Variants in PPP3CA observed in about 807,000 individuals in gnomAD.
PPP3CA encodes CAM-PRP catalytic subunit.
PPP3CA carries 14 observed loss-of-function variants against 66.5 expected under a neutral mutation model. That is an observed-to-expected ratio of 0.21 (90% CI 0.14 to 0.33). The LOEUF is 0.33. Among genes scored for constraint, PPP3CA ranks in the 10% least tolerant of loss-of-function variants. PPP3CA has a pLI of 1.00. For missense variants in PPP3CA, 317 were observed against 639.5 expected (o/e 0.50, Z 5.44); for synonymous variants, 232 against 226.2 (o/e 1.03, Z -0.23).
At chr4:101,180,096 G>T (rs998714369) in intron 2 of PPP3CA, among the ~76,000 whole-genome samples, 1 of 152,128 alleles carries the variant, frequency 6.6e-6, no homozygotes. Context: ...AGAACATGTG[G>T]TCACATCTAG....
intron 2 of PPP3CA, among the ~76,000 whole-genome samples, chr4:101,169,200 G>C (rs746528610): frequency 6.6e-6 from 1 of 152,084 alleles, no homozygotes; most frequent in Non-Finnish European, 1.5e-5. Flanking sequence ...TGCCTAGTAT[G>C]GTAATCATGT....
intron 1 of PPP3CA, among the ~76,000 whole-genome samples, chr4:101,344,274 G>A (rs1729909319): frequency 6.6e-6 from 1 of 151,864 alleles, no homozygotes; most frequent in South Asian, 2.1e-4. Flanking sequence ...CATACTCAAG[G>A]GGAAATATTA....
intron 10 of PPP3CA, among the ~76,000 whole-genome samples, chr4:101,054,553 C>T (rs1001930676): frequency 2.7e-5 from 4 of 150,722 alleles, no homozygotes; most frequent in Admixed American, 6.6e-5. Flanking sequence ...TATATTCATA[C>T]CCTTAGAAAA....
At chr4:101,116,172 T>C (rs1226083389) in intron 2 of PPP3CA, among the ~76,000 whole-genome samples, 1 of 151,922 alleles carries the variant, frequency 6.6e-6, no homozygotes, top group Non-Finnish European at 1.5e-5. Context: ...GTTTTTCCAG[T>C]TCATACTAAA....
At chr4:101,263,675 C>G (rs1727077564) in intron 1 of PPP3CA, among the ~76,000 whole-genome samples, 1 of 151,664 alleles carries the variant, frequency 6.6e-6, no homozygotes, top group South Asian at 2.1e-4. Flanking sequence ...CACACAAAGA[C>G]CAGAGTGCCG....
chr4:101,286,489 A>C (rs1241238907), intron 1 of PPP3CA, among the ~76,000 whole-genome samples: 1 of 152,248 alleles, frequency 6.6e-6, no homozygotes, highest in Admixed American at 6.5e-5. Context: ...TTCACTGAAA[A>C]GTTACCAAGA....
chr4:101,124,268 G>C (rs1038672894), intron 2 of PPP3CA, among the ~76,000 whole-genome samples: 2 of 150,252 alleles, frequency 1.3e-5, no homozygotes, highest in Admixed American at 6.6e-5. Flanking sequence ...GACCAAATTA[G>C]AAAAAAAAAC....
chr4:101,143,190 T>C (rs2110292954), intron 2 of PPP3CA, among the ~76,000 whole-genome samples: 1 of 152,330 alleles, frequency 6.6e-6, no homozygotes, highest in South Asian at 2.1e-4. Context: ...TTCATACTTT[T>C]TCTTTCCTTA....
At chr4:101,107,027 A>G (rs1447400296) in intron 3 of PPP3CA, among the ~76,000 whole-genome samples, 1 of 152,198 alleles carries the variant, frequency 6.6e-6, no homozygotes, top group Non-Finnish European at 1.5e-5. Flanking sequence ...AGGTCTTACA[A>G]AATTAGTACT....
At position 101,156,646 on chromosome 4, in the gene PPP3CA, G is replaced by T. The variant is rs532338735; in HGVS notation, c.259+39270C>A. Among the ~76,000 whole-genome samples the T allele has an allele frequency of 1.5e-3, 233 of 151,754 alleles. 1 individual carries two copies. Among genetic ancestry groups the T allele is most frequent in the African/African-American group, 5.4e-3 (223 of 41,258 alleles). The stretch of plus-strand genomic sequence containing the variant: ...GATCGTGCCATTGCACTCCAGCCTG[G>T]GCAACAAGAGCGAAACTGTGTCTCA... On this transcript the variant is annotated intron_variant, in intron 2 of 13. Coordinates refer to ENST00000394854, the MANE Select transcript of PPP3CA (RefSeq NM_000944.5).
chr4:101,155,362 ATCAAACCCCTTT>A (rs890317070), intron 2 of PPP3CA, among the ~76,000 whole-genome samples: 1 of 152,210 alleles, frequency 6.6e-6, no homozygotes, highest in African/African-American at 2.4e-5. Flanking sequence ...GAGCACCTTT[ATCAAACCCCTTT>A]TCCCCTGAAG....
intron 2 of PPP3CA, among the ~76,000 whole-genome samples, chr4:101,134,427 G>C (rs1378629654): frequency 6.6e-6 from 1 of 152,144 alleles, no homozygotes; most frequent in Admixed American, 6.5e-5. Flanking sequence ...GTGGGTGAAG[G>C]ATATGAACAG....
intron 1 of PPP3CA, among the ~76,000 whole-genome samples, chr4:101,342,544 T>C (rs1331834370): frequency 6.6e-6 from 1 of 152,180 alleles, no homozygotes; most frequent in Non-Finnish European, 1.5e-5. Context: ...ATGCTGGAAC[T>C]ATGTTGTTTA....
chr4:101,320,550 G>A (rs1729011516), intron 1 of PPP3CA, among the ~76,000 whole-genome samples: 1 of 151,848 alleles, frequency 6.6e-6, no homozygotes, highest in African/African-American at 2.4e-5. Flanking sequence ...CCAGTGGAGG[G>A]CGGAGGGGCT....
At chr4:101,088,916 C>T (rs541529637) in intron 6 of PPP3CA, among the ~76,000 whole-genome samples, 1 of 152,244 alleles carries the variant, frequency 6.6e-6, no homozygotes, top group African/African-American at 2.4e-5. Context: ...AAAGCAAAGA[C>T]ACCTGTTAGT....
At position 101,324,356 on chromosome 4, in the gene PPP3CA, A is replaced by T. The variant is rs951280329; in HGVS notation, c.58+22383T>A. Among the ~76,000 whole-genome samples, 4 of 152,246 alleles carry T rather than the reference A, an allele frequency of 2.6e-5. 1 individual carries two copies. Among genetic ancestry groups the T allele is most frequent in the Admixed American group, 6.5e-5 (1 of 15,292 alleles). ...GGCTCCAGACCACTCCACCATATGC[A>T]ACTAAAGGTAAGGAGCACATAGAAA... On this transcript the variant is annotated intron_variant, in intron 1 of 13. Coordinates refer to ENST00000394854, the MANE Select transcript of PPP3CA (RefSeq NM_000944.5).
At chr4:101,105,059 C>G (rs1730598782) in intron 3 of PPP3CA, among the ~76,000 whole-genome samples, 1 of 152,068 alleles carries the variant, frequency 6.6e-6, no homozygotes, top group Admixed American at 6.6e-5. Context: ...CTAAACAAAA[C>G]ATAGCAAATT....
Position 101,025,820 on chromosome 4 carries a change from C to CAAAAAAAAAAAAAAA in PPP3CA, c.*30_*44dup. 2.1e-6 allele frequency: 1 copy of CAAAAAAAAAAAAAAA among 478,992 alleles called. No individual in the cohort carries two copies. Among genetic ancestry groups the CAAAAAAAAAAAAAAA allele is most frequent in the East Asian group, 6.4e-5 (1 of 15,568 alleles). 29.7% of individuals were successfully genotyped at this position (478,992 alleles called of 1,614,324 possible). ...GCAATCCCCATCATGCCCCGCAGCT[C>CAAAAAAAAAAAAAAA]AAAAAAAAAAAAAAAAAAAAAAAAA... On this transcript the variant is annotated 3_prime_UTR_variant, in exon 14 of 14. Coordinates refer to ENST00000394854, the MANE Select transcript of PPP3CA (RefSeq NM_000944.5).
chr4:101,263,530 G>T (rs1390944312), intron 1 of PPP3CA, among the ~76,000 whole-genome samples: 2 of 151,812 alleles, frequency 1.3e-5, no homozygotes, highest in Non-Finnish European at 2.9e-5. Context: ...GTCAATTAAG[G>T]TAACTTTCTA....
Sources: allele counts gnomAD v4.1 joint callset (sites outside exome capture counted in the v4.1 genomes callset), GRCh38; gene constraint gnomAD v4.1.1; transcripts MANE v1.5; gene names NCBI Gene and HGNC (gene_info 2026-07-23, HGNC 2026-07-21).